ANKRD45: variants seen among roughly 807,000 people sequenced by gnomAD.
ANKRD45 encodes ankyrin repeat domain-containing protein 45.
A neutral mutation model predicts 28.1 loss-of-function variants in ANKRD45; 21 were observed. That is an observed-to-expected ratio of 0.75 (90% CI 0.53 to 1.08). The LOEUF (loss-of-function observed/expected upper bound fraction) is 1.08. ANKRD45 is among the 50% of genes least tolerant of loss of function. ANKRD45 has a pLI of 0.00. For synonymous variants in ANKRD45, 86 were observed against 103.9 expected, an observed-to-expected ratio of 0.83 and a Z score of 1.05; for missense variants, 261 against 308.7, an observed-to-expected ratio of 0.85 and a Z score of 1.16.
intron 2 of ANKRD45, 93 bp from the exon 3 acceptor site, chr1:173,647,106 G>T: frequency 1.6e-6 from 2 of 1,248,090 alleles, no homozygotes; most frequent in South Asian, 1.6e-5. Context: ...ATCAAGTATT[G>T]AACAATTACT....
chr1:173,620,912 A>T (rs760932821), intron 5 of ANKRD45, among the ~76,000 whole-genome samples: 33 of 152,284 alleles, frequency 2.2e-4, no homozygotes, highest in Middle Eastern at 3.4e-3. Flanking sequence ...ATAGACCACT[A>T]GCCAAATTAA....
At chr1:173,625,063 G>A in intron 4 of ANKRD45, 138 bp from the exon 5 acceptor site, 1 of 805,518 alleles carries the variant, frequency 1.2e-6, no homozygotes, top group East Asian at 2.7e-5. Context: ...CAATACAGTA[G>A]CCATTAGATA....
chr1:173,645,014 T>C (rs970883156), intron 3 of ANKRD45, among the ~76,000 whole-genome samples: 2 of 151,344 alleles, frequency 1.3e-5, no homozygotes, highest in African/African-American at 4.8e-5. Context: ...AAAAAAATTA[T>C]GGAATGTGAA....
chr1:173,677,624 C>T, the ANKRD45 span, among the ~76,000 whole-genome samples: 1 of 152,126 alleles, frequency 6.6e-6, no homozygotes, highest in African/African-American at 2.4e-5. Context: ...TCTATGGGGC[C>T]TGAAGATGAG....
chr1:173,622,482 G>A (rs1667746650), intron 5 of ANKRD45, among the ~76,000 whole-genome samples: 1 of 152,126 alleles, frequency 6.6e-6, no homozygotes, highest in Non-Finnish European at 1.5e-5. Context: ...GAAAAGAATA[G>A]AGAACTCAGA....
intron 5 of ANKRD45, among the ~76,000 whole-genome samples, chr1:173,617,646 A>G (rs1238562003): frequency 6.6e-6 from 1 of 152,216 alleles, no homozygotes; most frequent in Non-Finnish European, 1.5e-5. Flanking sequence ...AGATGGAGCC[A>G]CTGTGGGGAG....
chr1:173,703,370 A>C, the ANKRD45 span, among the ~76,000 whole-genome samples: 1 of 151,484 alleles, frequency 6.6e-6, no homozygotes, highest in Non-Finnish European at 1.5e-5. Flanking sequence ...CACCTGGCTA[A>C]TTTTTTTGTA....
At chr1:173,664,147 T>G (rs1669907324) in intron 1 of ANKRD45, among the ~76,000 whole-genome samples, 1 of 152,200 alleles carries the variant, frequency 6.6e-6, no homozygotes, top group African/African-American at 2.4e-5. Flanking sequence ...CAAGAAGGAC[T>G]CTAACAGAAG....
intron 5 of ANKRD45, among the ~76,000 whole-genome samples, 165 bp from the exon 6 acceptor site, chr1:173,610,380 C>G (rs1667092083): frequency 6.6e-6 from 1 of 152,198 alleles, no homozygotes; most frequent in African/African-American, 2.4e-5. Flanking sequence ...AATAGTCTCT[C>G]CTGTTCACTA....
At chr1:173,662,615 A>G (rs1669826064) in intron 1 of ANKRD45, among the ~76,000 whole-genome samples, 1 of 152,178 alleles carries the variant, frequency 6.6e-6, no homozygotes, top group Non-Finnish European at 1.5e-5. Flanking sequence ...CTCTTGCCTC[A>G]TGTTATAACT....
the ANKRD45 span, among the ~76,000 whole-genome samples, chr1:173,706,209 G>A: frequency 1.3e-5 from 2 of 150,596 alleles, no homozygotes; most frequent in Non-Finnish European, 2.9e-5. Context: ...GGCTGAGGTA[G>A]GAGAATTGCT....
At chr1:173,654,732 A>C (rs1669415219) in intron 2 of ANKRD45, among the ~76,000 whole-genome samples, 1 of 152,138 alleles carries the variant, frequency 6.6e-6, no homozygotes, top group Non-Finnish European at 1.5e-5. Flanking sequence ...TTTCGGGTAC[A>C]CCAATCAAAT....
At chr1:173,654,506 C>A (rs1669403298) in intron 2 of ANKRD45, among the ~76,000 whole-genome samples, 1 of 152,192 alleles carries the variant, frequency 6.6e-6, no homozygotes, top group South Asian at 2.1e-4. Context: ...GTAACCCAAC[C>A]TTTCTCTCTG....
intron 2 of ANKRD45, among the ~76,000 whole-genome samples, chr1:173,655,998 G>A (rs1669490113): frequency 6.6e-6 from 1 of 152,168 alleles, no homozygotes; most frequent in African/African-American, 2.4e-5. Flanking sequence ...GTTTTTCCAG[G>A]TACAGTGTAT....
At chr1:173,622,491 G>C (rs1458853572) in intron 5 of ANKRD45, among the ~76,000 whole-genome samples, 1 of 152,122 alleles carries the variant, frequency 6.6e-6, no homozygotes, top group Non-Finnish European at 1.5e-5. Flanking sequence ...AGAGAACTCA[G>C]AAATCAGACC....
At chr1:173,624,504 AAAATC>A (rs1667840808) in intron 5 of ANKRD45, among the ~76,000 whole-genome samples, 1 of 152,080 alleles carries the variant, frequency 6.6e-6, no homozygotes, top group Non-Finnish European at 1.5e-5. Context: ...AAAAAAAAAA[AAAATC>A]AAAACAAAGC....
chr1:173,703,328 C>T, the ANKRD45 span, among the ~76,000 whole-genome samples: 2 of 151,900 alleles, frequency 1.3e-5, no homozygotes, highest in Non-Finnish European at 2.9e-5. Context: ...CTCAGCCTCC[C>T]GAGTAGCTGG....
the ANKRD45 span, among the ~76,000 whole-genome samples, chr1:173,712,900 T>C: frequency 6.6e-6 from 1 of 152,212 alleles, no homozygotes; most frequent in Non-Finnish European, 1.5e-5. Context: ...CAGTTTTTGA[T>C]TCAATAGGTC....
chr1:173,675,977 T>A, the ANKRD45 span, among the ~76,000 whole-genome samples: 1 of 152,218 alleles, frequency 6.6e-6, no homozygotes, highest in African/African-American at 2.4e-5. Context: ...TGAATTCCTC[T>A]CCTCTCAATG....
Sources: gnomAD v4.1 joint callset for allele counts (sites outside exome capture counted in the v4.1 genomes callset) on GRCh38, gnomAD v4.1.1 for gene constraint, MANE v1.5 for transcripts, NCBI Gene and HGNC (gene_info 2026-07-23, HGNC 2026-07-21) for gene names.